PRKN: variants seen among roughly 807,000 people sequenced by gnomAD.
The protein encoded by PRKN is E3 ubiquitin-protein ligase parkin.
In PRKN, 56 loss-of-function variants were observed where a neutral mutation model predicts 59.5. That is an observed-to-expected ratio of 0.94 (90% CI 0.76 to 1.18). PRKN has a LOEUF of 1.18. PRKN is among the 50% of genes most tolerant of loss of function. The pLI is 0.00. For synonymous variants in PRKN, 250 were observed against 222.1 expected, an observed-to-expected ratio of 1.13 and a Z score of -1.12; for missense variants, 657 against 596.4, an observed-to-expected ratio of 1.10 and a Z score of -1.06.
intron 1 of PRKN, among the ~76,000 whole-genome samples, chr6:162,581,896 C>T (rs920563424): frequency 6.6e-6 from 1 of 152,128 alleles, no homozygotes; most frequent in Non-Finnish European, 1.5e-5. Flanking sequence ...GAAGGCTGGT[C>T]AAAACCAAGA....
At chr6:161,781,712 A>G (rs1283223113) in intron 7 of PRKN, among the ~76,000 whole-genome samples, 1 of 152,224 alleles carries the variant, frequency 6.6e-6, no homozygotes, top group Non-Finnish European at 1.5e-5. Context: ...TATACAGAAA[A>G]TATTTTTGAA....
At chr6:162,144,539 G>A (rs1781930808) in intron 4 of PRKN, among the ~76,000 whole-genome samples, 1 of 152,100 alleles carries the variant, frequency 6.6e-6, no homozygotes, top group South Asian at 2.1e-4. Flanking sequence ...GCCTTCCTGG[G>A]AGCTGGCTTC....
intron 9 of PRKN, among the ~76,000 whole-genome samples, chr6:161,439,137 C>T (rs9458252): frequency 0.54 from 82,368 of 152,018 alleles, 23,383 homozygotes; most frequent in Middle Eastern, 0.65. Context: ...CCAGGTGTAA[C>T]CCGGAGGAAA....
chr6:161,563,985 T>C lies in PRKN; in HGVS notation c.933+5370A>G, dbSNP rs1272937819. Among the ~76,000 whole-genome samples, 35 of 152,224 alleles carry C rather than the reference T, an allele frequency of 2.3e-4. 1 individual carries two copies. Among genetic ancestry groups the C allele is most frequent in the Admixed American group, 2.3e-3 (35 of 15,282 alleles). ...TATTTACAAATATTCTAAGAGATGATTGAGCTTCACTCTCCCTTGTCTACA... is the reference window on the plus strand; with the variant it reads ...TATTTACAAATATTCTAAGAGATGACTGAGCTTCACTCTCCCTTGTCTACA... On this transcript the variant is annotated intron_variant, in intron 8 of 11. Transcript: ENST00000366898.
At chr6:161,570,450 G>T (rs1345327551) in intron 7 of PRKN, among the ~76,000 whole-genome samples, 1 of 147,338 alleles carries the variant, frequency 6.8e-6, no homozygotes, top group Non-Finnish European at 1.5e-5. Context: ...CTTATACACA[G>T]ATTTTTTCTT....
intron 1 of PRKN, among the ~76,000 whole-genome samples, chr6:162,510,940 T>C (rs1777584830): frequency 7.2e-6 from 1 of 139,036 alleles, no homozygotes; most frequent in Non-Finnish European, 1.6e-5. Flanking sequence ...AACAAACAAA[T>C]AAAAAAACAA....
chr6:162,513,319 A>G (rs34540135), intron 1 of PRKN, among the ~76,000 whole-genome samples: 13,587 of 151,952 alleles, frequency 0.089, 737 homozygotes, highest in Middle Eastern at 0.17. Flanking sequence ...CCTCTACTAA[A>G]AATACAAAAA....
intron 4 of PRKN, among the ~76,000 whole-genome samples, chr6:162,178,449 G>C (rs1209299624): frequency 2.6e-5 from 4 of 152,156 alleles, no homozygotes; most frequent in Non-Finnish European, 4.4e-5. Flanking sequence ...AGGCCCAGAG[G>C]ATGGGGCCAG....
At chr6:162,153,324 AATGG>A (rs1782355564) in intron 4 of PRKN, among the ~76,000 whole-genome samples, 1 of 151,600 alleles carries the variant, frequency 6.6e-6, no homozygotes, top group Non-Finnish European at 1.5e-5. Flanking sequence ...GAGTGCAAGA[AATGG>A]TCAGCTGCTT....
chr6:162,625,453 T>A (rs1291626070), intron 1 of PRKN, among the ~76,000 whole-genome samples: 1 of 152,236 alleles, frequency 6.6e-6, no homozygotes, highest in African/African-American at 2.4e-5. Context: ...TTAGTTTACA[T>A]GGCGGCATGG....
intron 6 of PRKN, among the ~76,000 whole-genome samples, chr6:161,950,236 A>G (rs2128245659): frequency 6.6e-6 from 1 of 152,304 alleles, no homozygotes; most frequent in East Asian, 1.9e-4. Flanking sequence ...AATGGACCCA[A>G]CCATATGTTA....
At chr6:162,422,022 GC>G (rs1788994063) in intron 2 of PRKN, among the ~76,000 whole-genome samples, 1 of 152,126 alleles carries the variant, frequency 6.6e-6, no homozygotes, top group Admixed American at 6.6e-5. Context: ...ACATATGGCT[GC>G]TCTGGGACCC....
At chr6:162,652,595 T>C (rs981706624) in intron 1 of PRKN, among the ~76,000 whole-genome samples, 2 of 152,244 alleles carry the variant, frequency 1.3e-5, no homozygotes, top group Middle Eastern at 3.4e-3. Context: ...AAAACAAATA[T>C]ATTTTAGATT....
At chr6:162,464,570 C>T (rs919828728) in intron 1 of PRKN, among the ~76,000 whole-genome samples, 2 of 149,904 alleles carry the variant, frequency 1.3e-5, no homozygotes, top group Non-Finnish European at 2.9e-5. Flanking sequence ...AATCCTAGCA[C>T]TTTGGGAGGC....
chr6:162,187,231 AT>A (rs745345750), intron 4 of PRKN, among the ~76,000 whole-genome samples: 1 of 152,184 alleles, frequency 6.6e-6, no homozygotes, highest in Non-Finnish European at 1.5e-5. Context: ...GAAAGAAGTG[AT>A]CACCGGAGGA....
At chr6:161,790,151 T>C (rs988098662) in intron 6 of PRKN, among the ~76,000 whole-genome samples, 2 of 152,152 alleles carry the variant, frequency 1.3e-5, no homozygotes, top group Non-Finnish European at 2.9e-5. Context: ...TCAGGATGGA[T>C]CCATTAGGGA....
In PRKN at chr6:161,552,787, G is replaced by GTTGTTTTTTTTTTTTT. The variant is rs1554275446; in HGVS notation, c.934-3785_934-3784insAAAAAAAAAAAAACAA. Among the ~76,000 whole-genome samples the GTTGTTTTTTTTTTTTT allele has an allele frequency of 1.0e-4, 9 of 86,484 alleles. 1 individual carries two copies. The highest frequency in any genetic ancestry group is 8.0e-5 in the Non-Finnish European group (3 of 37,610). The allele number at this position is 86,484 out of a possible 152,430, so 56.7% of individuals were successfully genotyped here. A position where few individuals can be genotyped will look rare whatever the true frequency, so the allele number is the denominator to read the frequency against. On this transcript the variant is annotated intron_variant, in intron 8 of 11. Coordinates refer to ENST00000366898, the MANE Select transcript of PRKN (RefSeq NM_004562.3). This position sits in a 1 kb window ranked among gnomAD's most constrained non-coding sequence, Gnocchi z 4.9. ...TAAAAGACACCATGGTTTTGTTGTTGTTTTTGTTTTTTGTTTTTTTTTTTT... is the reference window on the plus strand; with the variant it reads ...TAAAAGACACCATGGTTTTGTTGTTGTTGTTTTTTTTTTTTTTTTTTGTTTTTTGTTTTTTTTTTTT...
rs186333714 is a variant in PRKN, at chr6:161,941,076, C to T, written c.734+32226G>A. Among the ~76,000 whole-genome samples the T allele has an allele frequency of 2.6e-3, 401 of 152,326 alleles. 2 individuals carry two copies. The highest frequency in any genetic ancestry group is 3.1e-3 in the Non-Finnish European group (213 of 68,030). On this transcript the variant is annotated intron_variant, in intron 6 of 11. Transcript: ENST00000366898. ...ATATGGAAGGTGGGGAAGGGAAGTG[C>T]TGGGTAGAGGAGGGCATGGTCCCTG...
At chr6:161,563,233 G>C (rs1273675085) in intron 8 of PRKN, among the ~76,000 whole-genome samples, 1 of 152,060 alleles carries the variant, frequency 6.6e-6, no homozygotes, top group Non-Finnish European at 1.5e-5. Context: ...ATTATGATCA[G>C]TAACTGTGAC....
Sources: gnomAD v4.1 joint callset for allele counts (sites outside exome capture counted in the v4.1 genomes callset) on GRCh38, gnomAD v4.1.1 for gene constraint, Gnocchi (gnomAD v3.1) non-coding constraint, MANE v1.5 for transcripts, NCBI Gene and HGNC (gene_info 2026-07-23, HGNC 2026-07-21) for gene names.